The following MEIS1 variants were observed in gnomAD, a reference collection of about 807,000 sequenced individuals.
MEIS1 encodes the protein homeobox protein Meis1.
MEIS1 carries 5 observed loss-of-function variants against 50.8 expected under a neutral mutation model. The observed-to-expected ratio is 0.10, with a 90% CI of 0.05 to 0.21. MEIS1 has a LOEUF of 0.21. Ranked by LOEUF, MEIS1 falls within the 10% of genes least tolerant of loss-of-function variation. The probability of loss-of-function intolerance (pLI) is 1.00; values close to 1 mark genes in which losing one functional copy is unlikely to be tolerated. For synonymous variants in MEIS1, 176 were observed against 179.3 expected (o/e 0.98, Z 0.15); for missense variants, 318 against 517.3 (o/e 0.61, Z 3.74).
intron 8 of MEIS1, among the ~76,000 whole-genome samples, chr2:66,522,989 A>G (rs948362302): frequency 4.5e-4 from 69 of 152,214 alleles, no homozygotes; most frequent in African/African-American, 1.5e-3. Flanking sequence ...CAGATGTAAT[A>G]ATGTCTAGAT....
intron 7 of MEIS1, among the ~76,000 whole-genome samples, chr2:66,503,912 T>C (rs1673624441): frequency 2.0e-5 from 3 of 151,678 alleles, no homozygotes; most frequent in South Asian, 4.2e-4. Flanking sequence ...GCCTGGCTAA[T>C]TTTTTTGTAT....
chr2:66,504,589 A>G (rs1001345188), intron 7 of MEIS1, among the ~76,000 whole-genome samples: 2 of 152,104 alleles, frequency 1.3e-5, no homozygotes, highest in African/African-American at 4.8e-5. Flanking sequence ...TAGAAAGGAA[A>G]AGCTTGATGG....
At chr2:66,461,787 C>A (rs762281044) in intron 6 of MEIS1, 3 of 446,984 alleles carry the variant, frequency 6.7e-6, no homozygotes, top group African/African-American at 2.0e-5. Flanking sequence ...TGCAATGAAT[C>A]GGAATGCCTC....
At chr2:66,436,848 A>G (rs182998815) in intron 1 of MEIS1, 1 of 977,082 alleles carries the variant, frequency 1.0e-6, no homozygotes, top group African/African-American at 1.8e-5. Flanking sequence ...CACACACAAA[A>G]TAATGACAAT....
chr2:66,490,139 G>A (rs1360332661), intron 7 of MEIS1, among the ~76,000 whole-genome samples: 1 of 152,188 alleles, frequency 6.6e-6, no homozygotes, highest in African/African-American at 2.4e-5. Context: ...TCCATATTTG[G>A]CAAATTCAGC....
At position 66,567,529 on chromosome 2, in the gene MEIS1, A is replaced by G; in HGVS notation, c.1024+18A>G. 1.2e-6 allele frequency: 2 copies of G among 1,613,082 alleles called. No individual in the cohort carries two copies. The highest frequency in any genetic ancestry group is 1.7e-6 in the Non-Finnish European group (2 of 1,179,432). On this transcript the variant is annotated intron_variant, in intron 10 of 12. Transcript: ENST00000272369. ...CCGAGCAGGCAAGTCCCCCATAGTG[A>G]CTGTATTCAAGTCACGCAAGCGAAA...
At chr2:66,469,649 G>T (rs919460734) in intron 7 of MEIS1, among the ~76,000 whole-genome samples, 4 of 152,154 alleles carry the variant, frequency 2.6e-5, no homozygotes, top group African/African-American at 9.7e-5. Flanking sequence ...AGCACATTTC[G>T]CACAGAGTTT....
At chr2:66,535,931 C>G (rs926115096) in intron 8 of MEIS1, among the ~76,000 whole-genome samples, 2 of 152,084 alleles carry the variant, frequency 1.3e-5, no homozygotes, top group African/African-American at 4.8e-5. Flanking sequence ...AATTAAATAG[C>G]TTAGACAACA....
chr2:66,550,848 G>A (rs749237833), intron 9 of MEIS1, among the ~76,000 whole-genome samples: 2 of 151,918 alleles, frequency 1.3e-5, no homozygotes, highest in African/African-American at 2.4e-5. Context: ...ACTGAGCATC[G>A]GTACAAGTTA....
intron 7 of MEIS1, among the ~76,000 whole-genome samples, chr2:66,508,701 C>T (rs866648100): frequency 1.3e-4 from 20 of 152,250 alleles, no homozygotes; most frequent in African/African-American, 4.3e-4. Flanking sequence ...GTTTCTGTCA[C>T]TAGCAAACGC....
intron 7 of MEIS1, among the ~76,000 whole-genome samples, chr2:66,507,407 A>G (rs1012985966): frequency 1.3e-5 from 2 of 152,214 alleles, no homozygotes; most frequent in Non-Finnish European, 2.9e-5. Flanking sequence ...CTTGGCTTCT[A>G]GAAAAACAAG....
Position 66,522,885 on chromosome 2 carries a change from T to A in MEIS1, c.888+10591T>A, listed in dbSNP as rs4544423. ...GCTCATAAAGAAACCACAGCAGAGC[T>A]TTTGGATTTTTGCAGAGTGCTCATG... On this transcript the variant is annotated intron_variant, in intron 8 of 12. Coordinates refer to ENST00000272369, the MANE Select transcript of MEIS1 (RefSeq NM_002398.3). 5.3e-5 allele frequency among the ~76,000 whole-genome samples: 8 copies of A among 152,142 alleles called. No homozygotes were observed. In the East Asian group the frequency reaches 7.7e-4, roughly 15 times the overall value.
chr2:66,522,550 A>G (rs1674150407), intron 8 of MEIS1, among the ~76,000 whole-genome samples: 1 of 152,218 alleles, frequency 6.6e-6, no homozygotes, highest in Non-Finnish European at 1.5e-5. Flanking sequence ...CTTCTTTCAC[A>G]CAACTGGTGT....
chr2:66,484,578 G>A (rs1673092786), intron 7 of MEIS1, among the ~76,000 whole-genome samples: 1 of 151,342 alleles, frequency 6.6e-6, no homozygotes, highest in Non-Finnish European at 1.5e-5. Context: ...TTTTTTTTGA[G>A]ATGGAGTTTC....
intron 7 of MEIS1, among the ~76,000 whole-genome samples, chr2:66,481,850 C>CTTTT (rs996753363): frequency 5.2e-4 from 47 of 90,158 alleles, no homozygotes; most frequent in Non-Finnish European, 7.1e-4. Context: ...TCTGATATTT[C>CTTTT]TTTTTTTTTT....
intron 7 of MEIS1, among the ~76,000 whole-genome samples, chr2:66,466,283 A>T (rs564009484): frequency 1.3e-5 from 2 of 152,212 alleles, no homozygotes; most frequent in African/African-American, 4.8e-5. Context: ...CTAAAAAACT[A>T]CAGTGAATAA....
intron 2 of MEIS1, among the ~76,000 whole-genome samples, chr2:66,438,828 G>C (rs1282392484): frequency 6.6e-6 from 1 of 151,076 alleles, no homozygotes; most frequent in Non-Finnish European, 1.5e-5. Context: ...ACCCTCCCTC[G>C]CTGGAAAAAA....
chr2:66,495,585 G>A (rs183778721), intron 7 of MEIS1, among the ~76,000 whole-genome samples: 38 of 152,308 alleles, frequency 2.5e-4, no homozygotes, highest in Non-Finnish European at 4.1e-4. Flanking sequence ...TATCTAGCAT[G>A]TAAATTATAC....
chr2:66,507,730 C>T (rs1431886371), intron 7 of MEIS1, among the ~76,000 whole-genome samples: 2 of 152,196 alleles, frequency 1.3e-5, no homozygotes, highest in Non-Finnish European at 2.9e-5. Context: ...CTGACACGGT[C>T]AGTCTGACCC....
Sources: allele counts gnomAD v4.1 joint callset (sites outside exome capture counted in the v4.1 genomes callset), GRCh38; gene constraint gnomAD v4.1.1; transcripts MANE v1.5; gene names NCBI Gene and HGNC (gene_info 2026-07-23, HGNC 2026-07-21).